DUSP22: variants seen among roughly 807,000 people sequenced by gnomAD.
DUSP22 encodes dual specificity phosphatase 22.
Under a neutral mutation model 24.5 loss-of-function variants are expected in DUSP22, and 24 were observed. That is an observed-to-expected ratio of 0.98 (90% CI 0.71 to 1.38). DUSP22 has a LOEUF of 1.38. Among genes scored for constraint, DUSP22 ranks in the 40% most tolerant of loss-of-function variants. The pLI, the probability that DUSP22 is intolerant of heterozygous loss-of-function variation, is 0.00. For synonymous variants in DUSP22, 160 were observed against 106.4 expected, an observed-to-expected ratio of 1.50 and a Z score of -3.10; for missense variants, 330 against 269.2, an observed-to-expected ratio of 1.23 and a Z score of -1.58.
At chr6:335,229 G>C in intron 4 of DUSP22, 66 bp downstream of exon 4, 1 of 1,582,742 alleles carries the variant, frequency 6.3e-7, no homozygotes, top group Non-Finnish European at 8.7e-7. Context: ...GGTAAAGTCA[G>C]AGAAGTAGAA....
At chr6:303,967 C>T (rs896634638) in intron 1 of DUSP22, among the ~76,000 whole-genome samples, 71 of 152,396 alleles carry the variant, frequency 4.7e-4, no homozygotes, top group African/African-American at 1.6e-3. Context: ...GCAACAAAGA[C>T]GTGTTCTTCT....
intron 1 of DUSP22, among the ~76,000 whole-genome samples, chr6:300,883 A>G (rs989245971): frequency 1.3e-5 from 2 of 152,308 alleles, no homozygotes; most frequent in African/African-American, 4.8e-5. Context: ...CTCAGGGGCA[A>G]CCTTGGCAGG....
intron 2 of DUSP22, among the ~76,000 whole-genome samples, chr6:309,679 A>AACAGACACAC (rs1554099005): frequency 1.4e-5 from 2 of 138,432 alleles, no homozygotes; most frequent in Admixed American, 7.7e-5. Flanking sequence ...ACTCATGTAG[A>AACAGACACAC]ACACACACAC....
chr6:308,330 C>T (rs541732225), intron 2 of DUSP22, among the ~76,000 whole-genome samples: 11 of 152,410 alleles, frequency 7.2e-5, no homozygotes, highest in African/African-American at 2.6e-4. Flanking sequence ...CTCATTACCT[C>T]GCTGCTCATG....
intron 3 of DUSP22, among the ~76,000 whole-genome samples, chr6:333,987 T>C (rs1371150992): frequency 1.3e-5 from 2 of 152,036 alleles, no homozygotes; most frequent in Non-Finnish European, 2.9e-5. Flanking sequence ...ACACATTTAG[T>C]TGTCCCTATT....
chr6:328,815 A>G (rs1415974812), intron 3 of DUSP22, among the ~76,000 whole-genome samples: 2 of 152,304 alleles, frequency 1.3e-5, no homozygotes, highest in Admixed American at 1.3e-4. Flanking sequence ...GCTGTGATGC[A>G]AACAAAAAAG....
intron 3 of DUSP22, among the ~76,000 whole-genome samples, chr6:323,231 C>T (rs815568): frequency 0.04 from 5,461 of 135,546 alleles, 15 homozygotes; most frequent in South Asian, 0.09. Flanking sequence ...GTTTTAAAGG[C>T]GTGTGTGCAT....
chr6:346,429 GACACACACACAC>G (rs10642379), intron 5 of DUSP22, among the ~76,000 whole-genome samples: 1 of 151,200 alleles, frequency 6.6e-6, no homozygotes, highest in Non-Finnish European at 1.5e-5. Context: ...ATTTTGTGTA[GACACACACACAC>G]ACACACACAC....
chr6:322,628 G>C (rs1466481679), intron 3 of DUSP22, among the ~76,000 whole-genome samples: 1 of 152,306 alleles, frequency 6.6e-6, no homozygotes, highest in African/African-American at 2.4e-5. Context: ...GTTTGAAAGA[G>C]AAGACAGGCT....
At chr6:333,776 C>G (rs1759242512) in intron 3 of DUSP22, among the ~76,000 whole-genome samples, 1 of 152,296 alleles carries the variant, frequency 6.6e-6, no homozygotes, top group Non-Finnish European at 1.5e-5. Context: ...TGCCCCCGCC[C>G]TGCGCCCACG....
chr6:308,149 A>C (rs112706522), intron 2 of DUSP22, among the ~76,000 whole-genome samples: 5,195 of 148,774 alleles, frequency 0.035, no homozygotes, highest in African/African-American at 0.12. Context: ...TCAAGTAGAC[A>C]TGGGGTCTAC....
At chr6:327,884 C>T (rs929375940) in intron 3 of DUSP22, among the ~76,000 whole-genome samples, 10 of 152,268 alleles carry the variant, frequency 6.6e-5, no homozygotes, top group South Asian at 2.1e-4. Flanking sequence ...GTTTGAGGAG[C>T]GAGGGGTGGT....
At chr6:335,288 G>A (rs2127413641) in intron 4 of DUSP22, 125 bp downstream of exon 4, 1 of 1,292,772 alleles carries the variant, frequency 7.7e-7, no homozygotes, top group Non-Finnish European at 1.1e-6. Flanking sequence ...CCCTGCCAGG[G>A]AAGAGGCTGT....
chr6:347,414 C>A (rs1759934670), intron 5 of DUSP22, among the ~76,000 whole-genome samples: 1 of 152,308 alleles, frequency 6.6e-6, no homozygotes, highest in Non-Finnish European at 1.5e-5. Flanking sequence ...TGCTAGAACT[C>A]TCTAAGTCTG....
chr6:336,073 T>C (rs1561674510), intron 4 of DUSP22, among the ~76,000 whole-genome samples: 2 of 152,300 alleles, frequency 1.3e-5, no homozygotes, highest in African/African-American at 2.4e-5. Flanking sequence ...GTCTTGGCTG[T>C]ATAGAAGGGA....
At chr6:313,826 T>C (rs927444851) in intron 3 of DUSP22, among the ~76,000 whole-genome samples, 3 of 152,294 alleles carry the variant, frequency 2.0e-5, no homozygotes, top group African/African-American at 7.2e-5. Flanking sequence ...ATTAAAACAA[T>C]AGCCTCTGAT....
chr6:322,449 G>A (rs1758642509), intron 3 of DUSP22, among the ~76,000 whole-genome samples: 1 of 152,152 alleles, frequency 6.6e-6, no homozygotes, highest in South Asian at 2.1e-4. Context: ...TAGAGCTTGA[G>A]TTTTGCTTCC....
chr6:330,596 C>T (rs1401708394), intron 3 of DUSP22, among the ~76,000 whole-genome samples: 1 of 152,304 alleles, frequency 6.6e-6, no homozygotes, highest in Non-Finnish European at 1.5e-5. Context: ...TAGTTTCAGG[C>T]CCAAAGAAAG....
At chr6:326,052 T>C in intron 3 of DUSP22, 1 of 238,148 alleles carries the variant, frequency 4.2e-6, no homozygotes, top group Non-Finnish European at 8.1e-6. Flanking sequence ...GTGCTGTATC[T>C]GCTGGTGCCT....
Sources: gnomAD v4.1 joint callset for allele counts (sites outside exome capture counted in the v4.1 genomes callset) on GRCh38, gnomAD v4.1.1 for gene constraint, MANE v1.5 for transcripts, NCBI Gene and HGNC (gene_info 2026-07-23, HGNC 2026-07-21) for gene names.